Variants in NDST1 observed in about 807,000 individuals in gnomAD.
NDST1 encodes N-deacetylase and N-sulfotransferase 1.
A neutral mutation model predicts 92.8 loss-of-function variants in NDST1; 35 were observed. The observed-to-expected ratio is 0.38, with a 90% CI of 0.29 to 0.50. The LOEUF (loss-of-function observed/expected upper bound fraction) is 0.50. Among genes scored for constraint, NDST1 ranks in the 20% least tolerant of loss-of-function variants. The pLI is 0.94. For missense variants in NDST1, 822 were observed against 1,182.7 expected (o/e 0.69, Z 4.47); for synonymous variants, 493 against 500.3 (o/e 0.99, Z 0.19).
chr5:150,522,485 C>T (rs1238758192), intron 2 of NDST1, among the ~76,000 whole-genome samples: 1 of 152,018 alleles, frequency 6.6e-6, no homozygotes, highest in Non-Finnish European at 1.5e-5. Flanking sequence ...AGGCTGTGGT[C>T]AGAGAAGTCT....
chr5:150,501,512 C>T (rs968665119), intron 1 of NDST1, among the ~76,000 whole-genome samples: 4 of 152,128 alleles, frequency 2.6e-5, no homozygotes, highest in East Asian at 1.9e-4. Flanking sequence ...ACTGGCCAGG[C>T]GAAAACCCTC....
rs2151288078 is a variant in NDST1 at position 150,534,972 on chromosome 5, A to G, written c.1202A>G (p.Asn401Ser). 1 of 1,614,170 alleles carries G rather than the reference A, an allele frequency of 6.2e-7. No individual in the cohort carries two copies. Among genetic ancestry groups the G allele is most frequent in the Non-Finnish European group, 8.5e-7 (1 of 1,180,034 alleles). ...CACATGCAGCCCCACCTTTTCCACA[A>G]CCAGTCCGTGTTGGCCGAGCAGATG... is the stretch of plus-strand genomic sequence containing the variant. ...WSHMQPHLFHNQSVLAEQMAL... is the reference protein window; with the variant it reads ...WSHMQPHLFHSQSVLAEQMAL... The change falls in exon 5 of 15, where the codon AAC (asparagine) becomes AGC (serine). Residue 401 changes from asparagine to serine, a missense_variant. By Grantham distance (46) the Asn-to-Ser change is conservative (BLOSUM62 1). Transcript: ENST00000261797.
rs548937171 is a variant in NDST1 at position 150,522,496 on chromosome 5, G to A, written c.513+729G>A. 5.9e-5 allele frequency among the ~76,000 whole-genome samples: 9 copies of A among 152,300 alleles called. No individual in the cohort carries two copies. The East Asian group carries it at 1.7e-3, about 29-fold the overall frequency. ...CCAGAGGCTGTGGTCAGAGAAGTCT[G>A]ACCTGCAAGATGAAAGCAGACACTA... On this transcript the variant is annotated intron_variant, in intron 2 of 14. Transcript: ENST00000261797.
At chr5:150,543,954 A>C (rs537502983) in intron 10 of NDST1, among the ~76,000 whole-genome samples, 1 of 152,114 alleles carries the variant, frequency 6.6e-6, no homozygotes, top group East Asian at 1.9e-4. Context: ...TAATTTTTGT[A>C]TTTTTAGTAG....
In NDST1 at chr5:150,521,163, T is replaced by A. The variant is rs969487035; in HGVS notation, c.-92T>A. On this transcript the variant is annotated 5_prime_UTR_variant, in exon 2 of 15. Coordinates refer to ENST00000261797, the MANE Select transcript of NDST1 (RefSeq NM_001543.5). The surrounding 1 kb of genome is among the most constrained non-coding windows in gnomAD (Gnocchi z 5.9). ...TCCTAAGTCTCTGTGAATTTGTTGG[T>A]CAGTGGACGATTCTCGTGTCTCCTC... The A allele has an allele frequency of 2.4e-5, 28 of 1,173,896 alleles. No individual in the cohort carries two copies. Among genetic ancestry groups the A allele is most frequent in the Non-Finnish European group, 3.2e-5 (27 of 830,892 alleles). The allele number at this position is 1,173,896 out of a possible 1,614,324, so 72.7% of individuals were successfully genotyped here. A position where few individuals can be genotyped will look rare whatever the true frequency, so the allele number is the denominator to read the frequency against.
chr5:150,558,200 G>T lies in NDST1; in HGVS notation c.*4868G>T, dbSNP rs567388325. 6.6e-6 allele frequency: 1 copy of T among 152,664 alleles called. No individual in the cohort carries two copies. Among genetic ancestry groups the T allele is most frequent in the African/African-American group, 2.4e-5 (1 of 41,438 alleles). 9.5% of individuals were successfully genotyped at this position (152,664 alleles called of 1,614,324 possible). On this transcript the variant is annotated 3_prime_UTR_variant, in exon 15 of 15. Coordinates refer to ENST00000261797, the MANE Select transcript of NDST1 (RefSeq NM_001543.5). The stretch of plus-strand genomic sequence containing the variant: ...TCGAACTAACTGCTAATAAAGTGGG[G>T]TTCTGTTTGTACACCTTGGTCCTGT...
At chr5:150,516,142 T>C (rs1421789562) in intron 1 of NDST1, among the ~76,000 whole-genome samples, 1 of 152,224 alleles carries the variant, frequency 6.6e-6, no homozygotes, top group Non-Finnish European at 1.5e-5. Flanking sequence ...AGACATGCTG[T>C]GAGAGGAGGA....
chr5:150,513,718 T>C (rs1025222477), intron 1 of NDST1, among the ~76,000 whole-genome samples: 1 of 152,224 alleles, frequency 6.6e-6, no homozygotes, highest in Non-Finnish European at 1.5e-5. Context: ...GTCTCATTCC[T>C]GGAGCCCACC....
intron 1 of NDST1, among the ~76,000 whole-genome samples, chr5:150,510,802 G>A (rs1249299402): frequency 3.9e-5 from 6 of 152,206 alleles, no homozygotes; most frequent in South Asian, 2.1e-4. Flanking sequence ...GTTGATTGAC[G>A]GATGATCTGT....
rs918293596 is a variant in NDST1 at position 150,541,472 on chromosome 5, A to G, written c.1750-98A>G. The G allele has an allele frequency of 3.0e-6, 3 of 1,013,056 alleles. No individual in the cohort carries two copies. The African/African-American group carries it at 4.8e-5, about 16-fold the overall frequency. 62.8% of individuals were successfully genotyped at this position (1,013,056 alleles called of 1,614,324 possible). On this transcript the variant is annotated intron_variant, in intron 8 of 14. Transcript: ENST00000261797. ...AGGACACATGTAGCATGTAGGTATCATGCCCATTGGGCTGTAAGGGCCACA... is the reference window on the plus strand; with the variant it reads ...AGGACACATGTAGCATGTAGGTATCGTGCCCATTGGGCTGTAAGGGCCACA...
chr5:150,517,268 G>C (rs1321579646), intron 1 of NDST1, among the ~76,000 whole-genome samples: 1 of 151,388 alleles, frequency 6.6e-6, no homozygotes, highest in Admixed American at 6.6e-5. Context: ...CTCCTGAGTA[G>C]CTGGGTCTAC....
chr5:150,514,344 T>C (rs1303207551), intron 1 of NDST1, among the ~76,000 whole-genome samples: 1 of 151,956 alleles, frequency 6.6e-6, no homozygotes, highest in Non-Finnish European at 1.5e-5. Context: ...CCGAAGTGGG[T>C]GGATCATCGG....
intron 1 of NDST1, chr5:150,498,292 C>G (rs888005783): frequency 2.0e-5 from 3 of 152,242 alleles, no homozygotes; most frequent in Admixed American, 2.0e-4. Context: ...CAGTATTTAT[C>G]TCATGGTGTT....
chr5:150,509,574 G>A (rs1561588023), intron 1 of NDST1, among the ~76,000 whole-genome samples: 1 of 152,086 alleles, frequency 6.6e-6, no homozygotes, highest in Non-Finnish European at 1.5e-5. Flanking sequence ...GTGCAATGGC[G>A]CCATCTCGGC....
At position 150,521,420 on chromosome 5, in the gene NDST1, T is replaced by C; in HGVS notation, c.166T>C (p.Cys56Arg). 4 of 1,612,938 alleles carry C rather than the reference T, an allele frequency of 2.5e-6. No individual in the cohort carries two copies. The highest frequency in any genetic ancestry group is 3.4e-6 in the Non-Finnish European group (4 of 1,179,848). Residue 56 changes from cysteine to arginine, a missense_variant, in exon 2 of 15, where the codon TGC (cysteine) becomes CGC (arginine). Transcript: ENST00000261797. The surrounding 1 kb of genome is among the most constrained non-coding windows in gnomAD (Gnocchi z 5.9). ...EPSADAPEPD[C>R]GDPPPVAPSR... ...CTCGGCGGATGCCCCCGAGCCTGAC[T>C]GCGGGGACCCGCCGCCTGTGGCCCC...
chr5:150,515,411 G>C (rs1753912040), intron 1 of NDST1, among the ~76,000 whole-genome samples: 1 of 152,238 alleles, frequency 6.6e-6, no homozygotes, highest in African/African-American at 2.4e-5. Flanking sequence ...TCTGCATTTT[G>C]TTTGGGCTCC....
chr5:150,533,399 A>T (rs926558504), intron 4 of NDST1, among the ~76,000 whole-genome samples: 1 of 152,276 alleles, frequency 6.6e-6, no homozygotes, highest in Non-Finnish European at 1.5e-5. Flanking sequence ...AGAAACATGT[A>T]GCATAGAAAG....
At chr5:150,504,227 C>G (rs1463150238), upstream of NDST1, among the ~76,000 whole-genome samples, 1 of 152,250 alleles carries the variant, frequency 6.6e-6, no homozygotes, top group African/African-American at 2.4e-5. Context: ...GCCAGGCTGT[C>G]ACCGGGCATT....
rs780632926 is a variant in NDST1, at chr5:150,527,956, C to T, written c.666C>T (p.Gly222=). Residue 222 remains glycine (G), a synonymous_variant, in exon 3 of 15, where the codon GGC becomes GGT. Coordinates refer to ENST00000261797, the MANE Select transcript of NDST1 (RefSeq NM_001543.5). ...AGGTGGAGAAAGGTGTGCTCCCCGG[C>T]GAGGACTGGACGGTTTTCCAGTCAA... ...PSEVEKGVLP[G]EDWTVFQSNH... 34 of 1,613,920 alleles carry T rather than the reference C, an allele frequency of 2.1e-5. No individual in the cohort carries two copies. The highest frequency in any genetic ancestry group is 4.0e-5 in the African/African-American group (3 of 74,938).
Sources: gnomAD v4.1 joint callset for allele counts (sites outside exome capture counted in the v4.1 genomes callset) on GRCh38, gnomAD v4.1.1 for gene constraint, Gnocchi (gnomAD v3.1) non-coding constraint, MANE v1.5 for transcripts, NCBI Gene and HGNC (gene_info 2026-07-23, HGNC 2026-07-21) for gene names.